SDK1: variants seen among roughly 807,000 people sequenced by gnomAD.
SDK1 encodes protein sidekick-1.
In SDK1, 157 loss-of-function variants were observed where a neutral mutation model predicts 245.5. The observed-to-expected ratio is 0.64, with a 90% CI of 0.56 to 0.73. The LOEUF (loss-of-function observed/expected upper bound fraction) is 0.73. Ranked by LOEUF, SDK1 falls within the 30% of genes least tolerant of loss-of-function variation. The probability of loss-of-function intolerance (pLI) is 0.00; values close to 1 mark genes in which losing one functional copy is unlikely to be tolerated. For synonymous variants in SDK1, 1,647 were observed against 1,278.5 expected (o/e 1.29, Z -6.15); for missense variants, 3,583 against 3,002.3 (o/e 1.19, Z -4.52).
chr7:3,636,559 T>TAATA (rs1423332961), intron 2 of SDK1, among the ~76,000 whole-genome samples: 1 of 152,240 alleles, frequency 6.6e-6, no homozygotes, highest in African/African-American at 2.4e-5. Context: ...TAAGACTGAA[T>TAATA]AATATTCCAT....
At chr7:3,435,017 C>G (rs1779977150) in intron 1 of SDK1, among the ~76,000 whole-genome samples, 1 of 152,100 alleles carries the variant, frequency 6.6e-6, no homozygotes, top group Admixed American at 6.6e-5. Context: ...CCGTCTGGAT[C>G]CCATTAATAA....
At chr7:3,933,679 T>G (rs975330390) in intron 5 of SDK1, among the ~76,000 whole-genome samples, 9 of 152,156 alleles carry the variant, frequency 5.9e-5, no homozygotes, top group Non-Finnish European at 1.2e-4. Context: ...TGTATAAACC[T>G]TTGCATTTAA....
intron 7 of SDK1, among the ~76,000 whole-genome samples, chr7:3,955,136 C>T (rs1366439492): frequency 1.3e-5 from 2 of 152,178 alleles, no homozygotes; most frequent in Admixed American, 1.3e-4. Flanking sequence ...GGCTCGGAAA[C>T]TCGGACGGCG....
intron 4 of SDK1, among the ~76,000 whole-genome samples, chr7:3,800,504 T>C (rs1307478379): frequency 1.3e-5 from 2 of 151,880 alleles, no homozygotes; most frequent in Non-Finnish European, 2.9e-5. Flanking sequence ...GCCTCAGCCT[T>C]CCAAGTAGCT....
At chr7:4,131,490 A>G (rs1173141759) in intron 27 of SDK1, among the ~76,000 whole-genome samples, 1 of 152,232 alleles carries the variant, frequency 6.6e-6, no homozygotes, top group Non-Finnish European at 1.5e-5. Context: ...TCCCAGCTTC[A>G]TAGCCAGGGA....
intron 5 of SDK1, among the ~76,000 whole-genome samples, chr7:3,932,948 G>C (rs764617929): frequency 6.6e-6 from 1 of 151,616 alleles, no homozygotes; most frequent in Non-Finnish European, 1.5e-5. Flanking sequence ...CAGAATCAGG[G>C]CTCTCCACTC....
chr7:4,149,521 G>C lies in SDK1; in HGVS notation c.4625+58G>C, dbSNP rs945376774. 4.7e-5 allele frequency: 59 copies of C among 1,245,978 alleles called. No individual in the cohort carries two copies. In the African/African-American group the frequency reaches 8.5e-4, roughly 18 times the overall value. The allele number at this position is 1,245,978 out of a possible 1,614,324, so 77.2% of individuals were successfully genotyped here. ...ACGGGGCCCTGGCCGCCTCCAGCCA[G>C]CTCCTGTCCAGATAGTGGGGAGGCT... On this transcript the variant is annotated intron_variant, in intron 30 of 44. Transcript: ENST00000404826.
At chr7:4,033,007 AG>A (rs1787945404) in intron 17 of SDK1, among the ~76,000 whole-genome samples, 1 of 133,028 alleles carries the variant, frequency 7.5e-6, no homozygotes, top group Admixed American at 7.5e-5. Context: ...AAAAATAGTC[AG>A]GAAACTTCTG....
chr7:3,720,891 C>T (rs1037212060), intron 4 of SDK1, among the ~76,000 whole-genome samples: 1 of 152,204 alleles, frequency 6.6e-6, no homozygotes, highest in African/African-American at 2.4e-5. Flanking sequence ...GTAGTACTTC[C>T]ATTCCATCAC....
chr7:3,612,106 G>A (rs1269369398), intron 1 of SDK1, among the ~76,000 whole-genome samples: 1 of 152,132 alleles, frequency 6.6e-6, no homozygotes, highest in African/African-American at 2.4e-5. Flanking sequence ...GGTGGGACGG[G>A]GGTGAGGGAT....
intron 5 of SDK1, among the ~76,000 whole-genome samples, chr7:3,919,221 TC>T (rs1043794942): frequency 1.3e-5 from 2 of 152,142 alleles, no homozygotes; most frequent in African/African-American, 4.8e-5. Context: ...GCCCGGCTTC[TC>T]CCCCAGGCCA....
intron 1 of SDK1, among the ~76,000 whole-genome samples, chr7:3,313,451 A>T (rs1779595785): frequency 6.6e-6 from 1 of 152,170 alleles, no homozygotes; most frequent in Non-Finnish European, 1.5e-5. Flanking sequence ...AAAGTTGATG[A>T]TTAGTAGTTG....
chr7:3,346,515 A>AT (rs1780500650), intron 1 of SDK1, among the ~76,000 whole-genome samples: 1 of 151,584 alleles, frequency 6.6e-6, no homozygotes, highest in Admixed American at 6.6e-5. Context: ...ACATTTATTT[A>AT]TTTTTAATTT....
At chr7:3,499,247 C>T (rs1583955878) in intron 1 of SDK1, among the ~76,000 whole-genome samples, 1 of 152,170 alleles carries the variant, frequency 6.6e-6, no homozygotes, top group Admixed American at 6.5e-5. Flanking sequence ...TGATTTAATT[C>T]AACAATCATT....
intron 1 of SDK1, among the ~76,000 whole-genome samples, chr7:3,310,474 A>G (rs994660694): frequency 5.9e-5 from 9 of 152,174 alleles, no homozygotes; most frequent in Non-Finnish European, 8.8e-5. Flanking sequence ...GGGATTTAAG[A>G]GGCAAAAAAT....
intron 5 of SDK1, among the ~76,000 whole-genome samples, chr7:3,868,503 C>T (rs796274785): frequency 1.2e-4 from 18 of 152,296 alleles, no homozygotes; most frequent in African/African-American, 3.8e-4. Context: ...TAGTTGAAAA[C>T]ATAATTTGCA....
chr7:4,118,745 A>G (rs1301148635), intron 25 of SDK1, among the ~76,000 whole-genome samples: 1 of 149,228 alleles, frequency 6.7e-6, no homozygotes, highest in Non-Finnish European at 1.5e-5. Flanking sequence ...ATTCAGCAAT[A>G]AAAAGGAATG....
At chr7:3,685,669 G>C (rs1784260786) in intron 4 of SDK1, among the ~76,000 whole-genome samples, 1 of 152,184 alleles carries the variant, frequency 6.6e-6, no homozygotes, top group South Asian at 2.1e-4. Flanking sequence ...TTTAGAAGTA[G>C]AAAAGGAAAG....
At chr7:4,001,402 G>A (rs1453135808) in intron 14 of SDK1, among the ~76,000 whole-genome samples, 1 of 152,208 alleles carries the variant, frequency 6.6e-6, no homozygotes, top group African/African-American at 2.4e-5. Context: ...CGGTGAGCAT[G>A]TGTCTCCCCT....
Sources: gnomAD v4.1 joint callset for allele counts (sites outside exome capture counted in the v4.1 genomes callset) on GRCh38, gnomAD v4.1.1 for gene constraint, MANE v1.5 for transcripts, NCBI Gene and HGNC (gene_info 2026-07-23, HGNC 2026-07-21) for gene names.